The following TCOF1 variants were observed in gnomAD, a reference collection of about 807,000 sequenced individuals.
The protein encoded by TCOF1 is treacle protein.
Under a neutral mutation model 149.0 loss-of-function variants are expected in TCOF1, and 33 were observed. The observed-to-expected ratio is 0.22, with a 90% confidence interval of 0.17 to 0.30. The LOEUF (loss-of-function observed/expected upper bound fraction) is 0.30. Ranked by LOEUF, TCOF1 falls within the 10% of genes least tolerant of loss-of-function variation. The pLI, the probability that TCOF1 is intolerant of heterozygous loss-of-function variation, is 1.00. For missense variants in TCOF1, 1,728 were observed against 1,840.7 expected (o/e 0.94, Z 1.12); for synonymous variants, 789 against 738.8 (o/e 1.07, Z -1.10).
At position 150,375,085 on chromosome 5, in the gene TCOF1, G is replaced by A. The variant is rs1204276874; in HGVS notation, c.1410G>A (p.Lys470=). ...GPAAAQVQVG[K]QEEDSRSSSE... is the part of the protein sequence containing the mutation. Reference sequence around the variant, plus strand: ...CAGCCGCCCAGGTCCAGGTGGGGAAGCAGGAGGAGGACTCAAGAAGCAGCA... The same window carrying A: ...CAGCCGCCCAGGTCCAGGTGGGGAAACAGGAGGAGGACTCAAGAAGCAGCA... The change falls in exon 10 of 27, where the codon AAG becomes AAA. Residue 470 remains lysine, a synonymous_variant. Transcript: ENST00000643257. 1.9e-6 allele frequency: 3 copies of A among 1,614,074 alleles called. No individual in the cohort carries two copies. Among genetic ancestry groups the A allele is most frequent in the South Asian group, 1.1e-5 (1 of 91,094 alleles).
intron 6 of TCOF1, among the ~76,000 whole-genome samples, chr5:150,370,804 A>G (rs1404761591): frequency 1.3e-5 from 2 of 152,166 alleles, no homozygotes; most frequent in African/African-American, 4.8e-5. Context: ...CTGTCTCTAC[A>G]AGATGTTATT....
In TCOF1 at chr5:150,392,106, C is replaced by T. The variant is rs1239188959; in HGVS notation, c.3447C>T (p.Ser1149=). 6.2e-7 allele frequency: 1 copy of T among 1,614,254 alleles called. No individual in the cohort carries two copies. The highest frequency in any genetic ancestry group is 1.7e-5 in the Admixed American group (1 of 60,026). Residue 1149 remains serine, a synonymous_variant, in exon 21 of 27, where the codon AGC becomes AGT. Transcript: ENST00000643257. ...AGAGCTCAGATGACAGTGAGGACAG[C>T]AGCGACAGTTCTTCAGGGAGTGAGG... ...APESSDDSED[S]SDSSSGSEED...
chr5:150,362,405 GA>G (rs892344782), intron 2 of TCOF1, among the ~76,000 whole-genome samples: 26 of 152,266 alleles, frequency 1.7e-4, no homozygotes, highest in African/African-American at 6.0e-4. Context: ...AGAGAGTACT[GA>G]ATTGCCTTGG....
intron 6 of TCOF1, among the ~76,000 whole-genome samples, chr5:150,371,601 C>T (rs552234783): frequency 2.7e-4 from 41 of 152,326 alleles, no homozygotes; most frequent in Non-Finnish European, 5.6e-4. Context: ...TGTTCACATC[C>T]TGAACTCCTG....
Position 150,372,066 on chromosome 5 carries a change from C to T in TCOF1, c.700C>T (p.Pro234Ser), listed in dbSNP as rs1400093170. ...KASSVSTKES[P>S]ARKAAPAPGK... ...CTCATCAGTTTCTACTAAGGAGTCTCCAGCAAGAAAGGCGGCCCCAGCCCC... is the reference window on the plus strand; with the variant it reads ...CTCATCAGTTTCTACTAAGGAGTCTTCAGCAAGAAAGGCGGCCCCAGCCCC... The change falls in exon 7 of 27, where the codon CCA becomes TCA. Residue 234 changes from proline to serine, a missense_variant. Around this residue, in one of 2 missense-constraint regions of TCOF1, gnomAD observed 1,696 missense variants for 1,765.4 expected, o/e 0.96. Coordinates refer to ENST00000643257, the MANE Select transcript of TCOF1 (RefSeq NM_001371623.1). 6.2e-7 allele frequency: 1 copy of T among 1,614,094 alleles called. No individual in the cohort carries two copies. The highest frequency in any genetic ancestry group is 1.3e-5 in the African/African-American group (1 of 74,936).
Position 150,376,563 on chromosome 5 carries a change from C to G in TCOF1, c.2283C>G (p.Asp761Glu). The G allele has an allele frequency of 6.3e-7, 1 of 1,599,420 alleles. No individual in the cohort carries two copies. The highest frequency in any genetic ancestry group is 1.1e-5 in the South Asian group (1 of 89,424). ...AGGTGAAAGCTGAAAAGCAGGAAGA[C>G]TCTGAGAGCAGTGAGGAGGAATCAG... ...VTQVKAEKQE[D>E]SESSEEESDS... is the part of the protein sequence containing the mutation. The change falls in exon 14 of 27, where the codon GAC becomes GAG. Residue 761 changes from aspartate to glutamate, a missense_variant. Coordinates refer to ENST00000643257, the MANE Select transcript of TCOF1 (RefSeq NM_001371623.1).
chr5:150,389,984 G>A lies in TCOF1; in HGVS notation c.3144G>A (p.Arg1048=), dbSNP rs1767074539. The A allele has an allele frequency of 6.2e-7, 1 of 1,613,768 alleles. No homozygotes were observed. The highest frequency in any genetic ancestry group is 1.3e-5 in the African/African-American group (1 of 75,022). ...AGASSSKESS[R]ISDGKKQEGP... is the part of the protein sequence containing the mutation. ...CCAGCAGCAGCAAGGAGTCCAGTCG[G>A]ATATCAGATGGCAAGAAACAGGAGG... Residue 1048 remains arginine (R), a synonymous_variant, in exon 19 of 27, where the codon CGG becomes CGA. Transcript: ENST00000643257.
intron 26 of TCOF1, 120 bp downstream of exon 26, chr5:150,399,190 A>C: frequency 7.0e-7 from 1 of 1,424,896 alleles, no homozygotes; most frequent in South Asian, 1.2e-5. Context: ...AGGCTGGGGA[A>C]AGAGGTTCTG....
At chr5:150,397,997 A>G (rs1275122400) in intron 24 of TCOF1, among the ~76,000 whole-genome samples, 1 of 152,164 alleles carries the variant, frequency 6.6e-6, no homozygotes, top group Non-Finnish European at 1.5e-5. Flanking sequence ...AACGCAGCTC[A>G]CTGCAGGCTC....
In TCOF1 at chr5:150,398,402, C is replaced by T. The variant is rs1008728630; in HGVS notation, c.4394C>T (p.Ala1465Val). The T allele has an allele frequency of 1.1e-5, 17 of 1,613,944 alleles. No homozygotes were observed. Among genetic ancestry groups the T allele is most frequent in the Non-Finnish European group, 1.4e-5 (17 of 1,180,014 alleles). Reference protein sequence around the residue: ...KKEKKKKAKKASTKDSESPSQ... With the variant: ...KKEKKKKAKKVSTKDSESPSQ... The stretch of plus-strand genomic sequence containing the variant: ...GAAAAGAAGAAGAAAGCAAAAAAGG[C>T]CTCAACCAAAGATTCTGAGTCACCG... The change falls in exon 25 of 27, where the codon GCC (alanine) becomes GTC (valine). Residue 1465 changes from alanine (A) to valine (V), a missense_variant. By Grantham distance (64) the Ala-to-Val change is moderately conservative. Coordinates refer to ENST00000643257, the MANE Select transcript of TCOF1 (RefSeq NM_001371623.1).
At chr5:150,369,760 A>G (rs939842178) in intron 6 of TCOF1, among the ~76,000 whole-genome samples, 158 bp downstream of exon 6, 28 of 152,112 alleles carry the variant, frequency 1.8e-4, no homozygotes, top group Admixed American at 3.3e-4. Context: ...GGGCAGGGAG[A>G]GGAGTCTGGT....
intron 17 of TCOF1, chr5:150,383,623 GAATCAA>G (rs1210838697): frequency 1.8e-6 from 2 of 1,109,634 alleles, no homozygotes; most frequent in Non-Finnish European, 2.7e-6. Context: ...GACAGATTGG[GAATCAA>G]GCCTTAGAGT....
intron 2 of TCOF1, 87 bp from the exon 3 acceptor site, chr5:150,364,026 G>C (rs566382080): frequency 8.2e-5 from 131 of 1,596,560 alleles, no homozygotes; most frequent in Middle Eastern, 3.4e-4. Context: ...TTTAAGAGCT[G>C]GAAGGATGCG....
At chr5:150,398,221 C>G (rs528492798) in intron 24 of TCOF1, 133 bp from the exon 25 acceptor site, 1 of 1,559,556 alleles carries the variant, frequency 6.4e-7, no homozygotes, top group Non-Finnish European at 8.6e-7. Flanking sequence ...CACGCCCCGC[C>G]CTGCTGGCCT....
At position 150,379,610 on chromosome 5, in the gene TCOF1, C is replaced by T. The variant is rs552953905; in HGVS notation, c.2737C>T (p.Pro913Ser). ...AKESPRKGAA[P>S]TPPGKTGPSA... The stretch of plus-strand genomic sequence containing the variant: ...GGAGTCCCCCAGGAAAGGGGCTGCC[C>T]CAACACCTCCTGGGAAGACAGGGCC... Residue 913 changes from proline (P) to serine (S), a missense_variant, in exon 17 of 27, where the codon CCA (proline) becomes TCA (serine). By Grantham distance (74) the Pro-to-Ser change is moderately conservative. Coordinates refer to ENST00000643257, the MANE Select transcript of TCOF1 (RefSeq NM_001371623.1). 2.5e-6 allele frequency: 4 copies of T among 1,614,012 alleles called. No individual in the cohort carries two copies. The highest frequency in any genetic ancestry group is 2.2e-5 in the East Asian group (1 of 44,858).
At chr5:150,398,267 G>A (rs1581233089) in intron 24 of TCOF1, 87 bp from the exon 25 acceptor site, 2 of 1,592,470 alleles carry the variant, frequency 1.3e-6, no homozygotes, top group Middle Eastern at 2.3e-4. Flanking sequence ...GGAAAGCTGG[G>A]AGCCCTGCCC....
Position 150,367,880 on chromosome 5 carries a change from G to T in TCOF1, c.341G>T (p.Gly114Val). The change falls in exon 4 of 27, where the codon GGG becomes GTG. Residue 114 changes from glycine to valine, a missense_variant. Transcript: ENST00000643257. ...GCATCTACCAACTCCTCAGTCCTGG[G>T]GGCGGACTTGCCATCAAGCATGAAA... ...RLASTNSSVL[G>V]ADLPSSMKEK... The T allele has an allele frequency of 6.2e-7, 1 of 1,614,156 alleles. No individual in the cohort carries two copies. The highest frequency in any genetic ancestry group is 1.3e-5 in the African/African-American group (1 of 75,034).
intron 17 of TCOF1, chr5:150,384,290 A>G: frequency 7.1e-6 from 7 of 989,324 alleles, no homozygotes; most frequent in Non-Finnish European, 8.4e-6. Context: ...TTTCTGTTTA[A>G]TCTCCACAAC....
chr5:150,368,108 A>T (rs1369959685), intron 4 of TCOF1, 191 bp downstream of exon 4: 2 of 602,352 alleles, frequency 3.3e-6, no homozygotes, highest in Non-Finnish European at 5.8e-6. Context: ...TTCTATAAAG[A>T]TAAGGATGAT....
Sources: allele counts gnomAD v4.1 joint callset (sites outside exome capture counted in the v4.1 genomes callset), GRCh38; gene constraint gnomAD v4.1.1; regional missense constraint gnomAD v4.1.1; transcripts MANE v1.5; gene names NCBI Gene and HGNC (gene_info 2026-07-23, HGNC 2026-07-21).